Variants in CEP44 observed in about 807,000 individuals in gnomAD.
CEP44 encodes centrosomal protein 44, also known as centrosomal protein of 44 kDa.
CEP44 carries 45 observed loss-of-function variants against 46.7 expected under a neutral mutation model. The observed-to-expected ratio is 0.96, with a 90% confidence interval of 0.76 to 1.24. CEP44 has a LOEUF of 1.24. Among genes scored for constraint, CEP44 ranks in the 50% most tolerant of loss-of-function variants. The pLI, the probability that CEP44 is intolerant of heterozygous loss-of-function variation, is 0.00. For synonymous variants in CEP44, 142 were observed against 146.0 expected (o/e 0.97, Z 0.20); for missense variants, 475 against 459.7 (o/e 1.03, Z -0.30).
In CEP44 at chr4:174,326,226, GTGTGTGTGTGTC is replaced by G. The variant is rs948055342; in HGVS notation, c.1087-5236_1087-5225del. ...TATGAAGTATCCTGTGTGTGTATGT[GTGTGTGTGTGTC>G]TGTGTGTGTGTCTGTGTGTTTGCTC... On this transcript the variant is annotated intron_variant, in intron 8 of 8. Transcript: ENST00000426172. The surrounding 1 kb of genome is among the most constrained non-coding windows in gnomAD (Gnocchi z 4.8). 5.9e-5 allele frequency among the ~76,000 whole-genome samples: 9 copies of G among 151,338 alleles called. No individual in the cohort carries two copies. Among genetic ancestry groups the G allele is most frequent in the Admixed American group, 1.3e-4 (2 of 15,136 alleles).
intron 1 of CEP44, among the ~76,000 whole-genome samples, chr4:174,292,453 C>T (rs1354784909): frequency 6.6e-6 from 1 of 152,088 alleles, no homozygotes; most frequent in Non-Finnish European, 1.5e-5. Context: ...CTTTCTGCCC[C>T]CTTTCTCTCT....
chr4:174,295,848 A>G (rs1738938743), intron 1 of CEP44, among the ~76,000 whole-genome samples: 1 of 152,170 alleles, frequency 6.6e-6, no homozygotes, highest in Non-Finnish European at 1.5e-5. Context: ...TATTTTTCCA[A>G]TTAAGTTGAG....
At position 174,295,528 on chromosome 4, in the gene CEP44, C is replaced by T. The variant is rs370886624; in HGVS notation, c.-147-2438C>T. 3.8e-4 allele frequency among the ~76,000 whole-genome samples: 57 copies of T among 149,652 alleles called. No individual in the cohort carries two copies. The East Asian group carries it at 0.01, about 27-fold the overall frequency. On this transcript the variant is annotated intron_variant, in intron 1 of 11. Coordinates refer to ENST00000503780, the MANE Select transcript of CEP44 (RefSeq NM_001040157.3). The stretch of plus-strand genomic sequence containing the variant: ...ACTGGGTAGCCAGGCAGAGGGGCTC[C>T]TCACGTCCCAGACGATGGGCGGCCA...
Position 174,318,561 on chromosome 4 carries a change from G to T in CEP44, c.*1178G>T, listed in dbSNP as rs562055796. The T allele has an allele frequency of 2.0e-5, 17 of 845,686 alleles. No individual in the cohort carries two copies. In the African/African-American group the frequency reaches 2.9e-4, roughly 15 times the overall value. 52.4% of individuals were successfully genotyped at this position (845,686 alleles called of 1,614,324 possible). On this transcript the variant is annotated 3_prime_UTR_variant, in exon 12 of 12. Coordinates refer to ENST00000503780, the MANE Select transcript of CEP44 (RefSeq NM_001040157.3). ...GTAGATAAAAGTGTTCCAGTAATCA[G>T]AAAATCCTCAAGAAAATTGACTTCA... is the stretch of plus-strand genomic sequence containing the variant.
Position 174,329,768 on chromosome 4 carries a change from A to G in CEP44, c.1087-1714A>G, listed in dbSNP as rs958758679. Among the ~76,000 whole-genome samples, 3 of 152,156 alleles carry G rather than the reference A, an allele frequency of 2.0e-5. No individual in the cohort carries two copies. The highest frequency in any genetic ancestry group is 4.8e-5 in the African/African-American group (2 of 41,446). On this transcript the variant is annotated intron_variant, in intron 8 of 8. Coordinates refer to the CEP44 transcript ENST00000426172. This position sits in a 1 kb window ranked among gnomAD's most constrained non-coding sequence, Gnocchi z 4.0. ...ATGAATATATGTTAACCTTCAGGCT[A>G]TCATCATTCTTTCTCAAGATAGATT...
intron 2 of CEP44, among the ~76,000 whole-genome samples, chr4:174,298,811 AG>A (rs1739376936): frequency 6.6e-6 from 1 of 152,178 alleles, no homozygotes; most frequent in African/African-American, 2.4e-5. Flanking sequence ...GTGTTATATA[AG>A]ATACATTATA....
intron 6 of CEP44, among the ~76,000 whole-genome samples, chr4:174,306,668 G>A (rs1031646164): frequency 6.6e-6 from 1 of 151,778 alleles, no homozygotes; most frequent in African/African-American, 2.4e-5. Flanking sequence ...TTAAAGATTG[G>A]TGTTCCTTTT....
At chr4:174,313,310 A>G (rs1314003388) in intron 9 of CEP44, among the ~76,000 whole-genome samples, 4 of 151,654 alleles carry the variant, frequency 2.6e-5, no homozygotes, top group Non-Finnish European at 5.9e-5. Flanking sequence ...CAGACAGGGC[A>G]CCAACTGTTA....
At position 174,302,125 on chromosome 4, in the gene CEP44, T is replaced by C; in HGVS notation, c.176T>C (p.Met59Thr). Residue 59 changes from methionine to threonine, a missense_variant, in exon 4 of 12, where the codon ATG becomes ACG. By Grantham distance (81) the Met-to-Thr change is moderately conservative. Coordinates refer to ENST00000503780, the MANE Select transcript of CEP44 (RefSeq NM_001040157.3). Reference sequence around the variant, plus strand: ...TCACCTTATGTAACAGAACTTATAATGGAATCCAATGTAGAGCTCATAGCA... The same window carrying C: ...TCACCTTATGTAACAGAACTTATAACGGAATCCAATGTAGAGCTCATAGCA... ...SYSPYVTELI[M>T]ESNVELIAKN... 6.2e-7 allele frequency: 1 copy of C among 1,611,948 alleles called. No homozygotes were observed.
At chr4:174,289,197 T>A (rs1259138216) in intron 1 of CEP44, among the ~76,000 whole-genome samples, 1 of 152,108 alleles carries the variant, frequency 6.6e-6, no homozygotes, top group African/African-American at 2.4e-5. Flanking sequence ...TCTATATTCA[T>A]CAAATGTATT....
intron 1 of CEP44, among the ~76,000 whole-genome samples, chr4:174,293,284 C>T (rs868691327): frequency 1.3e-5 from 2 of 152,176 alleles, no homozygotes; most frequent in Non-Finnish European, 1.5e-5. Flanking sequence ...AGTCACATGC[C>T]TGCTACTGGG....
At position 174,301,920 on chromosome 4, in the gene CEP44, G is replaced by C. The variant is rs1428640730; in HGVS notation, c.90-119G>C. 1 of 848,822 alleles carries C rather than the reference G, an allele frequency of 1.2e-6. No individual in the cohort carries two copies. Among genetic ancestry groups the C allele is most frequent in the Non-Finnish European group, 1.8e-6 (1 of 565,682 alleles). The allele number at this position is 848,822 out of a possible 1,614,324, so 52.6% of individuals were successfully genotyped here. ...TCTCATGTATCACCTAATTATTATA[G>C]CTATAGTGTTAAGTTTTAAATTATT... On this transcript the variant is annotated intron_variant, in intron 3 of 11. Transcript: ENST00000503780. The surrounding 1 kb of genome is among the most constrained non-coding windows in gnomAD (Gnocchi z 4.3).
chr4:174,315,916 T>TA (rs1247530870), intron 9 of CEP44, among the ~76,000 whole-genome samples: 4 of 152,154 alleles, frequency 2.6e-5, no homozygotes, highest in Non-Finnish European at 5.9e-5. Context: ...ATTATTAACT[T>TA]ACCTGTTTAT....
downstream of CEP44, among the ~76,000 whole-genome samples, chr4:174,320,684 C>CTGTGTGTGTGTGTGTGTA (rs1742237591): frequency 2.6e-4 from 38 of 147,530 alleles, no homozygotes; most frequent in East Asian, 8.5e-4. Flanking sequence ...TGAGTGTGCT[C>CTGTGTGTGTGTGTGTGTA]TGTGTGTGTG....
At chr4:174,322,048 G>A (rs919050850), downstream of CEP44, among the ~76,000 whole-genome samples, 2 of 152,116 alleles carry the variant, frequency 1.3e-5, no homozygotes, top group Non-Finnish European at 2.9e-5. Flanking sequence ...ATTGTTTGTT[G>A]ATATTCACAC....
chr4:174,309,893 T>C lies in CEP44; in HGVS notation c.722T>C (p.Leu241Pro). ...GAGATTACTGCACTACAAACTATGC[T>C]TGCTGAATGCCAAGAAAATCTTAAG... Reference protein sequence around the residue: ...NPEITALQTMLAECQENLKKL... With the variant: ...NPEITALQTMPAECQENLKKL... The change falls in exon 8 of 12, where the codon CTT becomes CCT. Residue 241 changes from leucine to proline, a missense_variant. Leu to Pro is a moderately conservative substitution (Grantham distance 98, BLOSUM62 -3). Coordinates refer to ENST00000503780, the MANE Select transcript of CEP44 (RefSeq NM_001040157.3). This position sits in a 1 kb window ranked among gnomAD's most constrained non-coding sequence, Gnocchi z 5.3. The C allele has an allele frequency of 6.2e-7, 1 of 1,612,222 alleles. No homozygotes were observed. Among genetic ancestry groups the C allele is most frequent in the East Asian group, 2.2e-5 (1 of 44,760 alleles).
At chr4:174,316,319 C>T (rs369610274) in intron 10 of CEP44, 29 bp downstream of exon 10, 10 of 1,588,510 alleles carry the variant, frequency 6.3e-6, no homozygotes, top group Non-Finnish European at 8.6e-6. Flanking sequence ...TATTTCCTTT[C>T]TAAATGAGGA....
rs1391914048 is a variant in CEP44 at position 174,329,834 on chromosome 4, T to A, written c.1087-1648T>A. On this transcript the variant is annotated intron_variant, in intron 8 of 8. Coordinates refer to the CEP44 transcript ENST00000426172. This position sits in a 1 kb window ranked among gnomAD's most constrained non-coding sequence, Gnocchi z 4.0. ...CTACTGAACTGTCTTGTTAAATTTT[T>A]AAAGATGAGTTTGGATGAGTTGCAA... Among the ~76,000 whole-genome samples the A allele has an allele frequency of 6.6e-6, 1 of 152,162 alleles. No homozygotes were observed. The highest frequency in any genetic ancestry group is 1.5e-5 in the Non-Finnish European group (1 of 68,008).
rs533751051 is a variant in CEP44 at position 174,319,842 on chromosome 4, G to T, written c.*2459G>T. ...TCAACTTTATTGGAGTTATTGGACA[G>T]ATCAGCAAATTGTTATTTTAAAAAG... On this transcript the variant is annotated 3_prime_UTR_variant, in exon 12 of 12. Coordinates refer to ENST00000503780, the MANE Select transcript of CEP44 (RefSeq NM_001040157.3). The T allele has an allele frequency of 2.0e-6, 2 of 985,074 alleles. No individual in the cohort carries two copies. Among genetic ancestry groups the T allele is most frequent in the East Asian group, 2.3e-4 (2 of 8,820 alleles). The allele number at this position is 985,074 out of a possible 1,614,324, so 61.0% of individuals were successfully genotyped here.
Sources: allele counts gnomAD v4.1 joint callset (sites outside exome capture counted in the v4.1 genomes callset), GRCh38; gene constraint gnomAD v4.1.1; non-coding constraint Gnocchi (gnomAD v3.1); transcripts MANE v1.5; gene names NCBI Gene and HGNC (gene_info 2026-07-23, HGNC 2026-07-21).